Variants in WDR70 observed in about 807,000 individuals in gnomAD.
WDR70 encodes WD repeat domain 70.
Under a neutral mutation model 88.6 loss-of-function variants are expected in WDR70, and 53 were observed. The observed-to-expected ratio is 0.60, with a 90% confidence interval of 0.48 to 0.75. The LOEUF is 0.75. Ranked by LOEUF, WDR70 falls within the 30% of genes least tolerant of loss-of-function variation. The pLI is 0.00. For missense variants in WDR70, 610 were observed against 823.2 expected (o/e 0.74, Z 3.17); for synonymous variants, 280 against 270.0 (o/e 1.04, Z -0.36).
chr5:37,520,145 T>G (rs1312234765), intron 9 of WDR70, among the ~76,000 whole-genome samples: 1 of 152,204 alleles, frequency 6.6e-6, no homozygotes, highest in Non-Finnish European at 1.5e-5. Context: ...ATTATTTAGG[T>G]GAATCATTAG....
At chr5:37,666,901 C>G (rs542263159) in intron 10 of WDR70, among the ~76,000 whole-genome samples, 2 of 152,176 alleles carry the variant, frequency 1.3e-5, no homozygotes, top group Admixed American at 1.3e-4. Flanking sequence ...AATAATAGTA[C>G]TTATCTCTTA....
intron 9 of WDR70, among the ~76,000 whole-genome samples, chr5:37,576,010 C>A (rs372849064): frequency 4.6e-5 from 7 of 151,958 alleles, no homozygotes; most frequent in African/African-American, 1.7e-4. Context: ...AGAAGTATTA[C>A]GAGTATAAAA....
intron 7 of WDR70, among the ~76,000 whole-genome samples, chr5:37,450,334 C>A (rs1319362260): frequency 2.0e-5 from 3 of 152,034 alleles, no homozygotes; most frequent in African/African-American, 7.3e-5. Context: ...GCTCATTGCT[C>A]CTGGGATGTC....
At chr5:37,435,111 A>C (rs1750428210) in intron 5 of WDR70, among the ~76,000 whole-genome samples, 3 of 152,208 alleles carry the variant, frequency 2.0e-5, no homozygotes, top group Admixed American at 2.0e-4. Flanking sequence ...TAAATGGTTA[A>C]TTCACTCCTA....
At chr5:37,505,738 T>C (rs543366778) in intron 8 of WDR70, 2 of 1,303,714 alleles carry the variant, frequency 1.5e-6, no homozygotes, top group East Asian at 2.3e-5. Context: ...TCTTCAAATA[T>C]AGCTCCCTAC....
chr5:37,537,300 G>A (rs1217795722), intron 9 of WDR70, among the ~76,000 whole-genome samples: 1 of 152,194 alleles, frequency 6.6e-6, no homozygotes, highest in Non-Finnish European at 1.5e-5. Context: ...AAGGAAAGGT[G>A]AGTGGACCTG....
intron 10 of WDR70, among the ~76,000 whole-genome samples, chr5:37,688,200 ATGACCC>A (rs1746671680): frequency 6.6e-6 from 1 of 152,186 alleles, no homozygotes; most frequent in Non-Finnish European, 1.5e-5. Flanking sequence ...AGAGCTGTAA[ATGACCC>A]TGGAAATCAT....
chr5:37,622,826 G>A (rs1250009169), intron 10 of WDR70, among the ~76,000 whole-genome samples: 3 of 152,006 alleles, frequency 2.0e-5, no homozygotes, highest in Non-Finnish European at 4.4e-5. Context: ...CACCAACATG[G>A]CACATGTATA....
intron 9 of WDR70, among the ~76,000 whole-genome samples, chr5:37,580,406 T>C (rs1205340395): frequency 6.6e-6 from 1 of 152,228 alleles, no homozygotes; most frequent in Non-Finnish European, 1.5e-5. Context: ...GCCTGGATAT[T>C]ACCTACCATT....
chr5:37,452,402 A>T (rs1738703328), intron 7 of WDR70, among the ~76,000 whole-genome samples: 1 of 151,798 alleles, frequency 6.6e-6, no homozygotes, highest in Non-Finnish European at 1.5e-5. Context: ...AGGAACTGGG[A>T]TTACAGGTGC....
chr5:37,536,762 T>C (rs1741677437), intron 9 of WDR70, among the ~76,000 whole-genome samples: 1 of 152,150 alleles, frequency 6.6e-6, no homozygotes. Context: ...TAAACCATAG[T>C]TTTTCACTGA....
intron 9 of WDR70, among the ~76,000 whole-genome samples, chr5:37,567,039 T>C (rs538736976): frequency 6.6e-6 from 1 of 152,336 alleles, no homozygotes; most frequent in African/African-American, 2.4e-5. Flanking sequence ...TAGTTGTTAC[T>C]GTGACTATTC....
intron 5 of WDR70, among the ~76,000 whole-genome samples, chr5:37,402,182 T>C (rs1749216669): frequency 6.6e-6 from 1 of 152,156 alleles, no homozygotes; most frequent in African/African-American, 2.4e-5. Context: ...GAACATGTGG[T>C]ATTTATCTTT....
At chr5:37,692,441 A>G (rs1301092591) in intron 10 of WDR70, among the ~76,000 whole-genome samples, 1 of 152,220 alleles carries the variant, frequency 6.6e-6, no homozygotes, top group Non-Finnish European at 1.5e-5. Flanking sequence ...AATATTCCTG[A>G]TGAACGTTGA....
At chr5:37,722,015 C>T (rs1262675484) in intron 14 of WDR70, 1 of 152,076 alleles carries the variant, frequency 6.6e-6, no homozygotes, top group Non-Finnish European at 1.5e-5. Context: ...TATTCATTGG[C>T]CATAATTTTG....
At chr5:37,641,228 G>A (rs1745094688) in intron 10 of WDR70, among the ~76,000 whole-genome samples, 1 of 151,930 alleles carries the variant, frequency 6.6e-6, no homozygotes, top group Admixed American at 6.6e-5. Flanking sequence ...CGATTCTCAT[G>A]CCTCAGCCTC....
chr5:37,418,606 C>T (rs1206773246), intron 5 of WDR70, among the ~76,000 whole-genome samples: 1 of 152,046 alleles, frequency 6.6e-6, no homozygotes, highest in African/African-American at 2.4e-5. Context: ...GGATGTTCTC[C>T]TTTGTATCAT....
intron 10 of WDR70, among the ~76,000 whole-genome samples, chr5:37,659,901 A>G (rs1745657737): frequency 6.6e-6 from 1 of 152,196 alleles, no homozygotes; most frequent in Non-Finnish European, 1.5e-5. Flanking sequence ...GAACTTCAAC[A>G]TATGAATTTT....
At chr5:37,396,311 A>G in intron 4 of WDR70, 64 bp from the exon 5 acceptor site, 2 of 1,470,598 alleles carry the variant, frequency 1.4e-6, no homozygotes, top group Non-Finnish European at 1.8e-6. Context: ...AGAAATGAAT[A>G]CTATTTCCAA....
Sources: allele counts gnomAD v4.1 joint callset (sites outside exome capture counted in the v4.1 genomes callset), GRCh38; gene constraint gnomAD v4.1.1; transcripts MANE v1.5; gene names NCBI Gene and HGNC (gene_info 2026-07-23, HGNC 2026-07-21).